SLC36A2: variants seen among roughly 807,000 people sequenced by gnomAD.
The protein encoded by SLC36A2 is proton-coupled amino acid transporter 2.
SLC36A2 carries 39 observed loss-of-function variants against 42.7 expected under a neutral mutation model. That is an observed-to-expected ratio of 0.91 (90% CI 0.71 to 1.19). The LOEUF is 1.19. Ranked by LOEUF, SLC36A2 falls within the 50% of genes most tolerant of loss-of-function variation. The pLI is 0.00. For synonymous variants in SLC36A2, 237 were observed against 240.8 expected, an observed-to-expected ratio of 0.98 and a Z score of 0.15; for missense variants, 590 against 613.7, an observed-to-expected ratio of 0.96 and a Z score of 0.41.
At chr5:151,333,847 A>G (rs767076576) in intron 6 of SLC36A2, among the ~76,000 whole-genome samples, 10 of 152,174 alleles carry the variant, frequency 6.6e-5, no homozygotes, top group Non-Finnish European at 1.3e-4. Context: ...CAAAAACAAA[A>G]CAAAACAATC....
At chr5:151,340,617 G>A (rs1039892359) in intron 4 of SLC36A2, among the ~76,000 whole-genome samples, 2 of 152,170 alleles carry the variant, frequency 1.3e-5, no homozygotes, top group East Asian at 1.9e-4. Context: ...GGGGAAAGAG[G>A]TTTAATAGTA....
Position 151,325,355 on chromosome 5 carries a change from G to C in SLC36A2, c.941C>G (p.Ala314Gly). 1 of 1,614,118 alleles carries C rather than the reference G, an allele frequency of 6.2e-7. No individual in the cohort carries two copies. Among genetic ancestry groups the C allele is most frequent in the Non-Finnish European group, 8.5e-7 (1 of 1,180,020 alleles). The change falls in exon 8 of 10, where the codon GCG becomes GGG. Residue 314 changes from alanine (A) to glycine (G), a missense_variant. Physicochemically the swap from Ala to Gly is moderately conservative, Grantham distance 60 (BLOSUM62 0). Coordinates refer to ENST00000335244, the MANE Select transcript of SLC36A2 (RefSeq NM_181776.3). ...TCCAAACCGCAGGTAGCCCAGAGCCGCCATGCCAATGTATAGGGAAGTGAC... is the reference window on the plus strand; with the variant it reads ...TCCAAACCGCAGGTAGCCCAGAGCCCCCATGCCAATGTATAGGGAAGTGAC... ...SIVTSLYIGM[A>G]ALGYLRFGDD...
intron 9 of SLC36A2, among the ~76,000 whole-genome samples, chr5:151,320,663 C>CAA (rs1204440928): frequency 6.6e-6 from 1 of 152,166 alleles, no homozygotes; most frequent in Admixed American, 6.5e-5. Context: ...TGACCTCAGC[C>CAA]AATAGGCAAG....
At chr5:151,344,508 C>T (rs893817376) in intron 1 of SLC36A2, among the ~76,000 whole-genome samples, 3 of 152,228 alleles carry the variant, frequency 2.0e-5, no homozygotes, top group African/African-American at 4.8e-5. Flanking sequence ...ATATGAGACA[C>T]TGTGCTAGGT....
At chr5:151,343,433 T>C (rs1222103842) in intron 3 of SLC36A2, 77 bp downstream of exon 3, 4 of 1,397,864 alleles carry the variant, frequency 2.9e-6, no homozygotes, top group East Asian at 4.6e-5. Context: ...AAATTTCTAT[T>C]ATGCATAGGA....
intron 3 of SLC36A2, 27 bp downstream of exon 3, chr5:151,343,483 T>C: frequency 6.2e-7 from 1 of 1,608,302 alleles, no homozygotes; most frequent in Non-Finnish European, 8.5e-7. Flanking sequence ...ACCAAAGGAA[T>C]TGACACAAGG....
chr5:151,343,127 C>A, intron 3 of SLC36A2, 144 bp from the exon 4 acceptor site: 3 of 726,332 alleles, frequency 4.1e-6, no homozygotes, highest in Non-Finnish European at 7.5e-6. Flanking sequence ...CTTTGACACT[C>A]AGCAGTAATT....
chr5:151,324,296 C>A lies in SLC36A2; in HGVS notation c.1010+990G>T, dbSNP rs188160517. On this transcript the variant is annotated intron_variant, in intron 8 of 9. Coordinates refer to ENST00000335244, the MANE Select transcript of SLC36A2 (RefSeq NM_181776.3). Reference sequence around the variant, plus strand: ...TAGCTGAGACTATAGGTGTGTGCCACCATGCCTGGCTTATTTATTTATTTA... The same window carrying A: ...TAGCTGAGACTATAGGTGTGTGCCAACATGCCTGGCTTATTTATTTATTTA... Among the ~76,000 whole-genome samples, 174 of 150,312 alleles carry A rather than the reference C, an allele frequency of 1.2e-3. 2 individuals carry two copies. The highest frequency in any genetic ancestry group is 1.8e-4 in the Non-Finnish European group (12 of 67,674).
intron 7 of SLC36A2, among the ~76,000 whole-genome samples, chr5:151,331,679 G>A (rs976287447): frequency 1.3e-5 from 2 of 152,028 alleles, no homozygotes; most frequent in Admixed American, 6.6e-5. Context: ...CAGAAAGATA[G>A]AGGATAAATT....
intron 7 of SLC36A2, among the ~76,000 whole-genome samples, chr5:151,328,362 C>G (rs1755905189): frequency 6.6e-6 from 1 of 152,156 alleles, no homozygotes; most frequent in African/African-American, 2.4e-5. Context: ...GGTGAGTTTC[C>G]TGATTTTCTT....
chr5:151,323,027 C>A (rs994377582), intron 8 of SLC36A2, among the ~76,000 whole-genome samples: 1 of 152,012 alleles, frequency 6.6e-6, no homozygotes, highest in African/African-American at 2.4e-5. Context: ...CCTGAGGTCA[C>A]GAATTTGAGA....
intron 4 of SLC36A2, among the ~76,000 whole-genome samples, chr5:151,339,552 C>T (rs1473171976): frequency 3.3e-5 from 5 of 152,092 alleles, no homozygotes; most frequent in East Asian, 1.9e-4. Context: ...TCAGGTGATC[C>T]GCCTGCCTTG....
intron 7 of SLC36A2, among the ~76,000 whole-genome samples, chr5:151,328,706 G>A (rs1372068563): frequency 2.0e-5 from 3 of 152,178 alleles, no homozygotes; most frequent in African/African-American, 4.8e-5. Context: ...AGTCTGAAGA[G>A]TGTGGGAAAT....
chr5:151,337,285 C>T (rs1331074119), intron 5 of SLC36A2, among the ~76,000 whole-genome samples: 2 of 152,246 alleles, frequency 1.3e-5, no homozygotes, highest in African/African-American at 4.8e-5. Flanking sequence ...GCTGCCACCA[C>T]TTTTTTTCTC....
chr5:151,335,679 T>G, intron 5 of SLC36A2, 132 bp from the exon 6 acceptor site: 1 of 733,874 alleles, frequency 1.4e-6, no homozygotes, highest in Non-Finnish European at 2.5e-6. Context: ...AATCTCACGG[T>G]GAGTTAGGGT....
rs246496 is a variant in SLC36A2, at chr5:151,325,197, A to G, written c.1010+89T>C. The G allele has an allele frequency of 0.61, 896,832 of 1,476,574 alleles. 279,781 individuals carry two copies. The highest frequency in any genetic ancestry group is 0.99 in the East Asian group (40,944 of 41,436). 91.5% of individuals were successfully genotyped at this position (1,476,574 alleles called of 1,614,324 possible). ...TTCTGTGGGAGGCTCTCTAGACCTCAGTTTCCCAGCTGTGGAAGGGAGGAG... is the reference window on the plus strand; with the variant it reads ...TTCTGTGGGAGGCTCTCTAGACCTCGGTTTCCCAGCTGTGGAAGGGAGGAG... On this transcript the variant is annotated intron_variant, in intron 8 of 9. Coordinates refer to ENST00000335244, the MANE Select transcript of SLC36A2 (RefSeq NM_181776.3).
At chr5:151,341,405 A>G (rs995545190) in intron 4 of SLC36A2, among the ~76,000 whole-genome samples, 1 of 152,308 alleles carries the variant, frequency 6.6e-6, no homozygotes, top group African/African-American at 2.4e-5. Context: ...CATACAGACT[A>G]CCTGCCATGG....
intron 8 of SLC36A2, among the ~76,000 whole-genome samples, chr5:151,324,743 T>C (rs1305361760): frequency 6.6e-6 from 1 of 152,196 alleles, no homozygotes; most frequent in Non-Finnish European, 1.5e-5. Flanking sequence ...TCAAGTGATC[T>C]TCCTACCTCA....
rs1426770729 is a variant in SLC36A2 at position 151,322,142 on chromosome 5, C to T, written c.1084G>A (p.Ala362Thr). ...ATGGCAAAGGGGATGATGATTTCTG[C>T]AGGGACGTAGAACTGCAGGGCATAG... ...CTYALQFYVP[A>T]EIIIPFAISR... The change falls in exon 9 of 10, where the codon GCA becomes ACA. Residue 362 changes from alanine to threonine, a missense_variant. Coordinates refer to ENST00000335244, the MANE Select transcript of SLC36A2 (RefSeq NM_181776.3). 1.2e-6 allele frequency: 2 copies of T among 1,614,152 alleles called. No individual in the cohort carries two copies. Among genetic ancestry groups the T allele is most frequent in the Admixed American group, 1.7e-5 (1 of 60,006 alleles).
Sources: allele counts gnomAD v4.1 joint callset (sites outside exome capture counted in the v4.1 genomes callset), GRCh38; gene constraint gnomAD v4.1.1; transcripts MANE v1.5; gene names NCBI Gene and HGNC (gene_info 2026-07-23, HGNC 2026-07-21).